The following GDAP1 variants were observed in gnomAD, a reference collection of about 807,000 sequenced individuals.
GDAP1 encodes the protein ganglioside induced differentiation associated protein 1, also known as ganglioside-induced differentiation-associated protein 1.
GDAP1 carries 34 observed loss-of-function variants against 40.1 expected under a neutral mutation model. That is an observed-to-expected ratio of 0.85 (90% confidence interval 0.64 to 1.13). GDAP1 has a LOEUF of 1.13. Among genes scored for constraint, GDAP1 ranks in the 50% most tolerant of loss-of-function variants. The probability of loss-of-function intolerance (pLI) is 0.00; values close to 1 mark genes in which losing one functional copy is unlikely to be tolerated. For missense variants in GDAP1, 374 were observed against 433.7 expected (o/e 0.86, Z 1.22); for synonymous variants, 170 against 157.4 (o/e 1.08, Z -0.60).
At chr8:74,378,243 A>C (rs1463474948) in intron 2 of GDAP1, among the ~76,000 whole-genome samples, 1 of 152,000 alleles carries the variant, frequency 6.6e-6, no homozygotes, top group Non-Finnish European at 1.5e-5. Flanking sequence ...ACTCAAAGAC[A>C]CTCTCCTAGG....
intron 2 of GDAP1, among the ~76,000 whole-genome samples, chr8:74,422,350 T>C (rs373737008): frequency 0.032 from 1,483 of 46,926 alleles, 34 homozygotes; most frequent in African/African-American, 0.082. Flanking sequence ...TCTTTCTTTC[T>C]TCCCTTCCTT....
intron 2 of GDAP1, among the ~76,000 whole-genome samples, chr8:74,447,873 A>G (rs1213313001): frequency 6.6e-6 from 1 of 152,198 alleles, no homozygotes; most frequent in Non-Finnish European, 1.5e-5. Context: ...TATGAAGCAG[A>G]AATGAATTTC....
chr8:74,450,507 A>T (rs977252781), intron 2 of GDAP1, among the ~76,000 whole-genome samples: 1 of 151,816 alleles, frequency 6.6e-6, no homozygotes, highest in Non-Finnish European at 1.5e-5. Flanking sequence ...TATGGATTTG[A>T]ATGACTGTAT....
intron 2 of GDAP1, among the ~76,000 whole-genome samples, chr8:74,422,159 C>CTTCT (rs981620206): frequency 6.6e-6 from 1 of 151,500 alleles, no homozygotes; most frequent in African/African-American, 2.4e-5. Context: ...TCTTCATTTT[C>CTTCT]TTCTTTCTTT....
At chr8:74,417,655 G>A (rs540337534) in intron 2 of GDAP1, among the ~76,000 whole-genome samples, 1 of 148,042 alleles carries the variant, frequency 6.8e-6, no homozygotes, top group South Asian at 2.1e-4. Flanking sequence ...TACTCGGGAG[G>A]CCAAGGCAGG....
chr8:74,381,907 T>A (rs1809959704), intron 2 of GDAP1, among the ~76,000 whole-genome samples: 1 of 152,204 alleles, frequency 6.6e-6, no homozygotes, highest in Non-Finnish European at 1.5e-5. Flanking sequence ...CCATGTTTTA[T>A]ATCAGTAGTT....
chr8:74,427,700 A>G (rs1805964785), intron 2 of GDAP1, among the ~76,000 whole-genome samples: 1 of 152,190 alleles, frequency 6.6e-6, no homozygotes, highest in African/African-American at 2.4e-5. Flanking sequence ...ATAAAAATGT[A>G]GACTGTTACT....
intron 2 of GDAP1, among the ~76,000 whole-genome samples, chr8:74,438,073 A>G (rs529225754): frequency 9.4e-4 from 143 of 152,192 alleles, no homozygotes; most frequent in African/African-American, 3.3e-3. Context: ...GATTGAGACC[A>G]TTCTGGCCAA....
At chr8:74,412,777 G>A (rs763804587) in intron 2 of GDAP1, among the ~76,000 whole-genome samples, 4 of 149,132 alleles carry the variant, frequency 2.7e-5, no homozygotes, top group Non-Finnish European at 5.9e-5. Context: ...CTGAAGCCTC[G>A]GCTGGGTGCG....
At chr8:74,438,051 A>C (rs1247493624) in intron 2 of GDAP1, among the ~76,000 whole-genome samples, 1 of 151,948 alleles carries the variant, frequency 6.6e-6, no homozygotes. Flanking sequence ...TGGGAGGATC[A>C]CAAGGTCAAG....
intron 2 of GDAP1, among the ~76,000 whole-genome samples, chr8:74,449,306 G>A (rs1806269261): frequency 6.6e-6 from 1 of 151,712 alleles, no homozygotes; most frequent in East Asian, 1.9e-4. Flanking sequence ...TTTCATGATT[G>A]TTTTGACATA....
intron 2 of GDAP1, among the ~76,000 whole-genome samples, chr8:74,426,009 T>C (rs956856036): frequency 2.0e-5 from 3 of 152,198 alleles, no homozygotes; most frequent in African/African-American, 7.2e-5. Flanking sequence ...ATTTGATATG[T>C]TAATTATTGA....
intron 2 of GDAP1, among the ~76,000 whole-genome samples, chr8:74,472,600 T>G (rs190196999): frequency 4.0e-5 from 6 of 148,992 alleles, no homozygotes; most frequent in South Asian, 2.1e-4. Context: ...CCAGCATCTG[T>G]TTTTTTTTGA....
intron 2 of GDAP1, among the ~76,000 whole-genome samples, chr8:74,358,292 TC>T (rs1809198875): frequency 6.6e-6 from 1 of 152,232 alleles, no homozygotes; most frequent in East Asian, 1.9e-4. Flanking sequence ...GGTATGCTCT[TC>T]TGGAGAGAAG....
intron 2 of GDAP1, among the ~76,000 whole-genome samples, chr8:74,358,018 C>T (rs1417073448): frequency 6.6e-6 from 1 of 152,174 alleles, no homozygotes; most frequent in Admixed American, 6.5e-5. Context: ...CGCAGTGCCC[C>T]TGTGATACTG....
At position 74,375,159 on chromosome 8, in the gene GDAP1, T is replaced by G. The variant is rs1773479295; in HGVS notation, c.165+23838T>G. 2.0e-5 allele frequency among the ~76,000 whole-genome samples: 3 copies of G among 152,234 alleles called. No individual in the cohort carries two copies. In the South Asian group the frequency reaches 6.2e-4, roughly 32 times the overall value. On this transcript the variant is annotated intron_variant, in intron 2 of 2. Coordinates refer to the GDAP1 transcript ENST00000523640. ...CTGGCCAACATGGTGAAACTCTGTC[T>G]CTACTAAAAATACAAAAATTAGCCA...
Position 74,379,301 on chromosome 8 carries a change from C to T in GDAP1, c.165+27980C>T, listed in dbSNP as rs4738454. Among the ~76,000 whole-genome samples, 138 of 152,220 alleles carry T rather than the reference C, an allele frequency of 9.1e-4. 1 individual carries two copies. In the South Asian group the frequency reaches 0.023, roughly 26 times the overall value. ...ATGATGTTGTAAAAGTGTCCCGCAA[C>T]GCTGCAAATCAAAATGGCAAACTAG... On this transcript the variant is annotated intron_variant, in intron 2 of 2. Coordinates refer to the GDAP1 transcript ENST00000523640.
At chr8:74,483,885 C>T (rs767081136) in intron 2 of GDAP1, among the ~76,000 whole-genome samples, 5 of 152,128 alleles carry the variant, frequency 3.3e-5, no homozygotes, top group Non-Finnish European at 5.9e-5. Flanking sequence ...GGCCACCTTA[C>T]GGGATAGTTG....
rs138722835 is a variant in GDAP1, at chr8:74,351,695, G to A, written c.310+229G>A. Among the ~76,000 whole-genome samples the A allele has an allele frequency of 5.6e-3, 834 of 148,556 alleles. 1 individual carries two copies. Among genetic ancestry groups the A allele is most frequent in the Non-Finnish European group, 8.6e-3 (575 of 66,586 alleles). ...AAATAATTTAATGCAAAATACAAAT[G>A]TTAATGTTGAAACTTAAAAAAATTC... On this transcript the variant is annotated intron_variant, in intron 2 of 5. Coordinates refer to ENST00000220822, the MANE Select transcript of GDAP1 (RefSeq NM_018972.4).
Sources: allele counts gnomAD v4.1 joint callset (sites outside exome capture counted in the v4.1 genomes callset), GRCh38; gene constraint gnomAD v4.1.1; transcripts MANE v1.5; gene names NCBI Gene and HGNC (gene_info 2026-07-23, HGNC 2026-07-21).